Variants in AQR observed in about 807,000 individuals in gnomAD.
AQR encodes aquarius intron-binding spliceosomal factor.
Under a neutral mutation model 180.5 loss-of-function variants are expected in AQR, and 61 were observed. The observed-to-expected ratio is 0.34, with a 90% CI of 0.28 to 0.42. AQR has a LOEUF of 0.42. AQR is among the 10% of genes least tolerant of loss of function. The probability of loss-of-function intolerance (pLI) is 1.00; values close to 1 mark genes in which losing one functional copy is unlikely to be tolerated. For missense variants in AQR, 1,281 were observed against 1,798.3 expected (o/e 0.71, Z 5.20); for synonymous variants, 551 against 588.8 (o/e 0.94, Z 0.93).
At chr15:34,875,099 A>G (rs978173529) in intron 28 of AQR, among the ~76,000 whole-genome samples, 6 of 152,170 alleles carry the variant, frequency 3.9e-5, no homozygotes, top group African/African-American at 1.4e-4. Flanking sequence ...TTAGAAGGCA[A>G]GCATGGAATT....
At chr15:34,923,328 G>T (rs150003362) in intron 13 of AQR, among the ~76,000 whole-genome samples, 25 of 152,230 alleles carry the variant, frequency 1.6e-4, no homozygotes, top group Non-Finnish European at 3.4e-4. Flanking sequence ...TGAGTTCTGA[G>T]ATTTCTGGAT....
chr15:34,900,042 G>A (rs779928466), intron 20 of AQR, among the ~76,000 whole-genome samples: 9 of 151,952 alleles, frequency 5.9e-5, no homozygotes, highest in African/African-American at 1.7e-4. Context: ...ACAGGTGTGC[G>A]CCACCATGCC....
intron 13 of AQR, among the ~76,000 whole-genome samples, chr15:34,920,868 A>G (rs181718255): frequency 0.019 from 2,802 of 151,386 alleles, 77 homozygotes; most frequent in African/African-American, 0.058. Context: ...TGAGGCAGGA[A>G]AATGGCGTGA....
chr15:34,862,942 T>C lies in AQR; in HGVS notation c.3954A>G (p.Pro1318=). ...SLFQNCFELT[P]AFSQLTARPL... ...GGCGAGCTGTGAGCTGACTGAAAGC[T>C]GGAGTCAGTTCAAAACAGTTTTGGA... Residue 1318 remains proline (P), a synonymous_variant, in exon 33 of 35, where the codon CCA becomes CCG. Transcript: ENST00000156471. 1.2e-6 allele frequency: 2 copies of C among 1,613,910 alleles called. No individual in the cohort carries two copies. The highest frequency in any genetic ancestry group is 1.1e-5 in the South Asian group (1 of 91,076).
chr15:34,925,763 G>T (rs914359683), intron 13 of AQR, among the ~76,000 whole-genome samples: 1 of 152,006 alleles, frequency 6.6e-6, no homozygotes, highest in East Asian at 1.9e-4. Context: ...AACCCAGGAG[G>T]CAGAGGTTGC....
chr15:34,871,050 T>C lies in AQR; in HGVS notation c.3598-128A>G, dbSNP rs964976438. On this transcript the variant is annotated intron_variant, in intron 30 of 34. Coordinates refer to ENST00000156471, the MANE Select transcript of AQR (RefSeq NM_014691.3). ...CTGCAAGAAGTGAAGACTTAGTAAC[T>C]TGGATAAGTGAGTACCTTTCATAAA... 1.3e-5 allele frequency: 10 copies of C among 788,336 alleles called. No homozygotes were observed. In the Admixed American group the frequency reaches 2.7e-4, roughly 21 times the overall value. 48.8% of individuals were successfully genotyped at this position (788,336 alleles called of 1,614,324 possible).
intron 3 of AQR, among the ~76,000 whole-genome samples, chr15:34,958,968 T>C (rs1222780461): frequency 1.4e-5 from 2 of 138,598 alleles, no homozygotes; most frequent in Non-Finnish European, 3.1e-5. Context: ...TTACATTACA[T>C]ATAGATATAT....
intron 32 of AQR, among the ~76,000 whole-genome samples, chr15:34,865,300 C>A (rs1426921674): frequency 6.6e-6 from 1 of 152,138 alleles, no homozygotes; most frequent in Non-Finnish European, 1.5e-5. Flanking sequence ...CTGTCCAAAT[C>A]AGTTCGGTAC....
intron 14 of AQR, among the ~76,000 whole-genome samples, chr15:34,919,610 A>G (rs935898469): frequency 1.3e-5 from 2 of 152,158 alleles, no homozygotes; most frequent in African/African-American, 4.8e-5. Flanking sequence ...AGAATTCCTG[A>G]AAACAGGTTG....
rs1894254217 is a variant in AQR at position 34,952,872 on chromosome 15, C to T, written c.209+13G>A. The T allele has an allele frequency of 6.8e-7, 1 of 1,468,444 alleles. No individual in the cohort carries two copies. Among genetic ancestry groups the T allele is most frequent in the Non-Finnish European group, 9.4e-7 (1 of 1,065,880 alleles). The allele number at this position is 1,468,444 out of a possible 1,614,324, so 91.0% of individuals were successfully genotyped here. On this transcript the variant is annotated intron_variant, in intron 4 of 34. Transcript: ENST00000156471. ...CATTATCTCTTTCATCAATGGAATG[C>T]CTTATAACTTACCTAAATTCCAAGA...
At chr15:34,928,699 T>C (rs1314605821) in intron 12 of AQR, among the ~76,000 whole-genome samples, 2 of 152,232 alleles carry the variant, frequency 1.3e-5, no homozygotes, top group Non-Finnish European at 2.9e-5. Flanking sequence ...TTAGGGTATA[T>C]ACCCAGTAAT....
chr15:34,965,646 G>A (rs2050306695), intron 1 of AQR, among the ~76,000 whole-genome samples: 1 of 152,120 alleles, frequency 6.6e-6, no homozygotes, highest in African/African-American at 2.4e-5. Flanking sequence ...ACTCCAGCCT[G>A]GGCGACAGAG....
At chr15:34,885,698 T>G (rs1344519701) in intron 25 of AQR, among the ~76,000 whole-genome samples, 2 of 152,204 alleles carry the variant, frequency 1.3e-5, no homozygotes, top group Non-Finnish European at 2.9e-5. Flanking sequence ...TACTCCTTTA[T>G]GCAAGTCCTA....
chr15:34,962,882 T>C (rs1366307644), intron 2 of AQR, among the ~76,000 whole-genome samples: 2 of 152,230 alleles, frequency 1.3e-5, no homozygotes, highest in Non-Finnish European at 2.9e-5. Context: ...TTACCAACAG[T>C]GCCTAAAGCA....
intron 32 of AQR, among the ~76,000 whole-genome samples, chr15:34,865,262 G>C (rs1256020150): frequency 1.3e-5 from 2 of 152,128 alleles, no homozygotes; most frequent in African/African-American, 4.8e-5. Context: ...CTCAGAACAG[G>C]TTACGTGCAT....
chr15:34,876,085 C>T lies in AQR; in HGVS notation c.3166-79G>A, dbSNP rs982107761. 4.3e-5 allele frequency: 45 copies of T among 1,037,520 alleles called. No homozygotes were observed. The Admixed American group carries it at 7.4e-4, about 17-fold the overall frequency. The allele number at this position is 1,037,520 out of a possible 1,614,324, so 64.3% of individuals were successfully genotyped here. On this transcript the variant is annotated intron_variant, in intron 27 of 34. Transcript: ENST00000156471. ...ATCATAAACATAATCATCAAAAAAA[C>T]CCCAAATAATTTCTGATAAAAACGA...
chr15:34,873,715 G>T, intron 30 of AQR, 113 bp downstream of exon 30: 3 of 849,172 alleles, frequency 3.5e-6, no homozygotes, highest in Non-Finnish European at 3.5e-6. Flanking sequence ...TATGTGTAAG[G>T]TGGGGTTCCA....
chr15:34,894,123 G>T (rs1005053222), intron 22 of AQR, among the ~76,000 whole-genome samples: 2 of 151,648 alleles, frequency 1.3e-5, no homozygotes, highest in Non-Finnish European at 2.9e-5. Context: ...TATGGCAAAA[G>T]ACATAAATCT....
intron 16 of AQR, among the ~76,000 whole-genome samples, chr15:34,912,012 T>C (rs1229771522): frequency 1.3e-5 from 2 of 152,186 alleles, no homozygotes; most frequent in Non-Finnish European, 2.9e-5. Flanking sequence ...CAAGTAGATA[T>C]CTAGCTTTCC....
Sources: gnomAD v4.1 joint callset for allele counts (sites outside exome capture counted in the v4.1 genomes callset) on GRCh38, gnomAD v4.1.1 for gene constraint, MANE v1.5 for transcripts, NCBI Gene and HGNC (gene_info 2026-07-23, HGNC 2026-07-21) for gene names.